The following DPF3 variants were observed in gnomAD, a reference collection of about 807,000 sequenced individuals.
DPF3 encodes the protein double PHD fingers 3.
Under a neutral mutation model 56.8 loss-of-function variants are expected in DPF3, and 18 were observed. The ratio of observed to expected loss-of-function variants is 0.32; its 90% CI spans 0.22 to 0.47. The LOEUF (loss-of-function observed/expected upper bound fraction) is 0.47, where lower values mean the gene tolerates loss of function less well. Among genes scored for constraint, DPF3 ranks in the 20% least tolerant of loss-of-function variants. The probability of loss-of-function intolerance (pLI) is 1.00; values close to 1 mark genes in which losing one functional copy is unlikely to be tolerated. For missense variants in DPF3, 403 were observed against 488.8 expected, an observed-to-expected ratio of 0.82 and a Z score of 1.65; for synonymous variants, 188 against 180.2, an observed-to-expected ratio of 1.04 and a Z score of -0.35.
chr14:72,876,670 A>G (rs1599518334), intron 1 of DPF3, among the ~76,000 whole-genome samples: 1 of 151,942 alleles, frequency 6.6e-6, no homozygotes, highest in Non-Finnish European at 1.5e-5. Flanking sequence ...GTCTTTGTTC[A>G]CTTCCCTTTG....
At chr14:72,765,306 G>A (rs1049046764) in intron 2 of DPF3, among the ~76,000 whole-genome samples, 1 of 152,194 alleles carries the variant, frequency 6.6e-6, no homozygotes, top group African/African-American at 2.4e-5. Context: ...TGGAGTCAAT[G>A]TAAAATGGTA....
chr14:72,754,461 AC>A (rs1890706875), intron 2 of DPF3, among the ~76,000 whole-genome samples: 1 of 152,306 alleles, frequency 6.6e-6, no homozygotes, highest in African/African-American at 2.4e-5. Context: ...GCAGAACCAA[AC>A]TAAATACTCA....
At chr14:72,806,531 C>T (rs997292426) in intron 1 of DPF3, among the ~76,000 whole-genome samples, 15 of 152,214 alleles carry the variant, frequency 9.9e-5, no homozygotes, top group African/African-American at 3.1e-4. Context: ...ACACTCATTA[C>T]CTCTTGTAAT....
intron 8 of DPF3, among the ~76,000 whole-genome samples, chr14:72,641,276 G>T (rs541979825): frequency 5.3e-5 from 8 of 152,252 alleles, no homozygotes; most frequent in African/African-American, 1.9e-4. Flanking sequence ...TTCTTCTGCC[G>T]CAGGCTTTGT....
chr14:72,846,833 C>CTCCT (rs1884782914), intron 1 of DPF3, among the ~76,000 whole-genome samples: 1 of 152,164 alleles, frequency 6.6e-6, no homozygotes, highest in South Asian at 2.1e-4. Context: ...AATTCACTGG[C>CTCCT]TCCTACTCAA....
chr14:72,674,207 C>G (rs143175060), intron 8 of DPF3, 33 bp downstream of exon 8: 1 of 1,600,230 alleles, frequency 6.2e-7, no homozygotes, highest in Non-Finnish European at 8.5e-7. Context: ...TCCTGGTCTA[C>G]GGGCACCCGG....
In DPF3 at chr14:72,610,993, A is replaced by G. The variant is rs1452672580; in HGVS notation, c.*8304T>C. On this transcript the variant is annotated 3_prime_UTR_variant, in exon 11 of 11. Coordinates refer to ENST00000556509, the MANE Select transcript of DPF3 (RefSeq NM_001280542.3). Reference sequence around the variant, plus strand: ...CTGCATGCTTTTCAGGCTGTCACGCACTTTAAAACCAGACTCACAGCCAAG... The same window carrying G: ...CTGCATGCTTTTCAGGCTGTCACGCGCTTTAAAACCAGACTCACAGCCAAG... 6.6e-6 allele frequency among the ~76,000 whole-genome samples: 1 copy of G among 152,154 alleles called. No homozygotes were observed. Among genetic ancestry groups the G allele is most frequent in the African/African-American group, 2.4e-5 (1 of 41,422 alleles).
At chr14:72,661,933 TATTCCATCAATAGA>T (rs1418285403) in intron 8 of DPF3, 1 of 982,774 alleles carries the variant, frequency 1.0e-6, no homozygotes, top group East Asian at 1.1e-4. Flanking sequence ...TGAGGGGATA[TATTCCATCAATAGA>T]TGGAATTCCT....
At chr14:72,878,737 G>A (rs112980291) in intron 1 of DPF3, among the ~76,000 whole-genome samples, 5,367 of 152,312 alleles carry the variant, frequency 0.035, 133 homozygotes, top group Non-Finnish European at 0.055. Flanking sequence ...AAAGCAAAAA[G>A]GTTTGTCTTT....
At chr14:72,625,216 C>T (rs1884753943) in intron 9 of DPF3, among the ~76,000 whole-genome samples, 2 of 152,184 alleles carry the variant, frequency 1.3e-5, no homozygotes, top group African/African-American at 4.8e-5. Context: ...TTTCCCTCTA[C>T]ATTTACTCAT....
At chr14:72,808,810 T>C (rs1882905054) in intron 1 of DPF3, among the ~76,000 whole-genome samples, 1 of 152,146 alleles carries the variant, frequency 6.6e-6, no homozygotes, top group Admixed American at 6.5e-5. Context: ...TGTAAGGACA[T>C]CTGTTTTCAG....
At chr14:72,839,882 A>T (rs574719351) in intron 1 of DPF3, among the ~76,000 whole-genome samples, 1 of 151,952 alleles carries the variant, frequency 6.6e-6, no homozygotes, top group South Asian at 2.1e-4. Flanking sequence ...GCGGGTGCTC[A>T]CTCCACTGAG....
intron 1 of DPF3, among the ~76,000 whole-genome samples, chr14:72,831,667 G>C (rs148122307): frequency 6.6e-6 from 1 of 152,340 alleles, no homozygotes; most frequent in East Asian, 1.9e-4. Flanking sequence ...AGAACTCAAG[G>C]CTTCAGTTTT....
At position 72,613,235 on chromosome 14, in the gene DPF3, C is replaced by T. The variant is rs1430888484; in HGVS notation, c.*6062G>A. 6.6e-6 allele frequency among the ~76,000 whole-genome samples: 1 copy of T among 152,154 alleles called. No individual in the cohort carries two copies. The highest frequency in any genetic ancestry group is 1.5e-5 in the Non-Finnish European group (1 of 68,038). On this transcript the variant is annotated 3_prime_UTR_variant, in exon 11 of 11. Coordinates refer to ENST00000556509, the MANE Select transcript of DPF3 (RefSeq NM_001280542.3). The stretch of plus-strand genomic sequence containing the variant: ...GCCCCAGGGGCTCACAGGCCTCTGC[C>T]ATTTCCTACAAGGCCCACTTACCTG...
intron 1 of DPF3, among the ~76,000 whole-genome samples, chr14:72,870,355 G>C (rs145059100): frequency 8.3e-4 from 127 of 152,332 alleles, no homozygotes; most frequent in African/African-American, 2.7e-3. Context: ...ATCCAGGAAA[G>C]AAGTAGTCTC....
chr14:72,724,020 G>A (rs2139842886), intron 4 of DPF3: 1 of 267,114 alleles, frequency 3.7e-6, no homozygotes, highest in East Asian at 8.2e-5. Context: ...TATGCTGGTA[G>A]GGGCCCTTTT....
At chr14:72,659,476 T>C (rs1261926371) in intron 8 of DPF3, among the ~76,000 whole-genome samples, 1 of 152,194 alleles carries the variant, frequency 6.6e-6, no homozygotes. Context: ...TTATGGACAT[T>C]TGATCATCCT....
intron 1 of DPF3, among the ~76,000 whole-genome samples, chr14:72,814,492 A>C (rs779748924): frequency 6.6e-6 from 1 of 152,142 alleles, no homozygotes; most frequent in Non-Finnish European, 1.5e-5. Flanking sequence ...CTTTTTCAAT[A>C]TTTTAATTCT....
intron 5 of DPF3, among the ~76,000 whole-genome samples, chr14:72,714,805 G>A (rs3742838): frequency 0.12 from 17,760 of 151,544 alleles, 1,527 homozygotes; most frequent in East Asian, 0.46. Flanking sequence ...GCCCAAGGTC[G>A]TTCGGCTACT....
Sources: gnomAD v4.1 joint callset for allele counts (sites outside exome capture counted in the v4.1 genomes callset) on GRCh38, gnomAD v4.1.1 for gene constraint, MANE v1.5 for transcripts, NCBI Gene and HGNC (gene_info 2026-07-23, HGNC 2026-07-21) for gene names.